The following MSRA variants were observed in gnomAD, a reference collection of about 807,000 sequenced individuals.
MSRA encodes the protein methionine sulfoxide reductase A, also known as mitochondrial peptide methionine sulfoxide reductase.
Under a neutral mutation model 31.3 loss-of-function variants are expected in MSRA, and 54 were observed. That is an observed-to-expected ratio of 1.73 (90% CI 1.39 to 2.17). MSRA has a LOEUF of 2.17. Ranked by LOEUF, MSRA falls within the 30% of genes most tolerant of loss-of-function variation. MSRA has a pLI of 0.00. For synonymous variants in MSRA, 169 were observed against 116.5 expected, an observed-to-expected ratio of 1.45 and a Z score of -2.90; for missense variants, 507 against 300.9, an observed-to-expected ratio of 1.69 and a Z score of -5.07.
At chr8:10,420,305 T>G (rs925096689) in intron 5 of MSRA, among the ~76,000 whole-genome samples, 23 of 151,272 alleles carry the variant, frequency 1.5e-4, no homozygotes, top group African/African-American at 3.2e-4. Context: ...TTTTTTTGTT[T>G]TTTTTTTTTT....
intron 5 of MSRA, among the ~76,000 whole-genome samples, chr8:10,375,707 C>T (rs1469035286): frequency 6.6e-6 from 1 of 152,160 alleles, no homozygotes; most frequent in Non-Finnish European, 1.5e-5. Context: ...ACAGGTACAC[C>T]ATGCTGGTGC....
chr8:10,423,898 A>T (rs1195688969), intron 5 of MSRA, among the ~76,000 whole-genome samples: 1 of 151,888 alleles, frequency 6.6e-6, no homozygotes, highest in Non-Finnish European at 1.5e-5. Context: ...AAGAATCCAT[A>T]GTTCATTTTC....
At chr8:10,398,138 A>G (rs767718773) in intron 5 of MSRA, among the ~76,000 whole-genome samples, 61 of 152,250 alleles carry the variant, frequency 4.0e-4, no homozygotes, top group Non-Finnish European at 7.9e-4. Flanking sequence ...GGTAACATTC[A>G]TCAACTCCCA....
chr8:10,152,715 C>G (rs769729491), intron 1 of MSRA, among the ~76,000 whole-genome samples: 13 of 152,166 alleles, frequency 8.5e-5, no homozygotes, highest in Admixed American at 5.9e-4. Context: ...ATGAGTAACG[C>G]ACACTTCATG....
At chr8:10,404,417 C>A (rs1287074406) in intron 5 of MSRA, among the ~76,000 whole-genome samples, 1 of 152,228 alleles carries the variant, frequency 6.6e-6, no homozygotes, top group African/African-American at 2.4e-5. Context: ...CCCCAACCCT[C>A]CGTGGGGAGG....
intron 1 of MSRA, among the ~76,000 whole-genome samples, chr8:10,163,838 C>A (rs1804881340): frequency 1.3e-5 from 2 of 152,210 alleles, no homozygotes; most frequent in Admixed American, 1.3e-4. Context: ...CAGACGAGGG[C>A]ACAGACCAGT....
intron 5 of MSRA, among the ~76,000 whole-genome samples, chr8:10,386,577 C>G (rs1032562967): frequency 1.3e-5 from 2 of 152,144 alleles, no homozygotes; most frequent in Non-Finnish European, 2.9e-5. Flanking sequence ...GCATGAGTTG[C>G]AAGCGCCGTC....
intron 1 of MSRA, among the ~76,000 whole-genome samples, chr8:10,180,486 A>G (rs547480435): frequency 1.3e-5 from 2 of 152,234 alleles, no homozygotes; most frequent in Admixed American, 6.5e-5. Context: ...CAGAGGTTGG[A>G]GAGTGGGGCT....
At chr8:10,074,754 G>A (rs1003020393) in intron 1 of MSRA, among the ~76,000 whole-genome samples, 1 of 152,072 alleles carries the variant, frequency 6.6e-6, no homozygotes, top group African/African-American at 2.4e-5. Flanking sequence ...TGCCTCCTGG[G>A]TTCAAGTGAT....
At chr8:10,361,948 G>A (rs939723353) in intron 5 of MSRA, among the ~76,000 whole-genome samples, 4 of 151,898 alleles carry the variant, frequency 2.6e-5, no homozygotes, top group Admixed American at 6.6e-5. Flanking sequence ...AAGGGAAATC[G>A]TTTCCTTCTC....
chr8:10,121,730 G>A (rs990641083), intron 1 of MSRA, among the ~76,000 whole-genome samples: 1 of 151,864 alleles, frequency 6.6e-6, no homozygotes, highest in South Asian at 2.1e-4. Flanking sequence ...GCATGCAGCG[G>A]TATGATCATA....
At chr8:10,292,807 G>C (rs1356857451) in intron 3 of MSRA, among the ~76,000 whole-genome samples, 2 of 152,180 alleles carry the variant, frequency 1.3e-5, no homozygotes, top group African/African-American at 4.8e-5. Flanking sequence ...AGGGCAGAGA[G>C]GGCTTGGTGG....
chr8:10,319,857 A>G, intron 4 of MSRA, 26 bp from the exon 5 acceptor site: 4 of 1,432,028 alleles, frequency 2.8e-6, no homozygotes, highest in Non-Finnish European at 3.7e-6. Flanking sequence ...TGACCGGGTA[A>G]CCCTCCCTGT....
At chr8:10,279,818 C>T (rs890242652) in intron 3 of MSRA, among the ~76,000 whole-genome samples, 1 of 152,116 alleles carries the variant, frequency 6.6e-6, no homozygotes, top group African/African-American at 2.4e-5. Flanking sequence ...TCATATAGGC[C>T]ATGAATATGT....
intron 1 of MSRA, among the ~76,000 whole-genome samples, chr8:10,088,350 T>G (rs1050245496): frequency 1.1e-4 from 16 of 152,184 alleles, no homozygotes; most frequent in African/African-American, 2.9e-4. Flanking sequence ...CTAAAGGAGA[T>G]GAAATCATTA....
intron 5 of MSRA, among the ~76,000 whole-genome samples, chr8:10,397,966 T>G (rs1206996144): frequency 6.6e-6 from 1 of 152,200 alleles, no homozygotes; most frequent in Admixed American, 6.5e-5. Context: ...GCCTTGAACT[T>G]GGGCTATAAC....
chr8:10,167,419 A>G (rs1018974559), intron 1 of MSRA, among the ~76,000 whole-genome samples: 6 of 152,200 alleles, frequency 3.9e-5, no homozygotes, highest in Non-Finnish European at 8.8e-5. Flanking sequence ...AAGTATGACA[A>G]GGCTTCAGAT....
chr8:10,063,886 C>T (rs1467765594), intron 1 of MSRA, among the ~76,000 whole-genome samples: 1 of 152,176 alleles, frequency 6.6e-6, no homozygotes, highest in Admixed American at 6.5e-5. Flanking sequence ...TTTTTCCTTG[C>T]AGCCCTGTCT....
chr8:10,085,364 C>G (rs1330404827), intron 1 of MSRA, among the ~76,000 whole-genome samples: 1 of 152,218 alleles, frequency 6.6e-6, no homozygotes, highest in Admixed American at 6.5e-5. Context: ...TCTTCTTCCT[C>G]CAAACTTTGT....
Sources: gnomAD v4.1 joint callset for allele counts (sites outside exome capture counted in the v4.1 genomes callset) on GRCh38, gnomAD v4.1.1 for gene constraint, MANE v1.5 for transcripts, NCBI Gene and HGNC (gene_info 2026-07-23, HGNC 2026-07-21) for gene names.